Variants in MED12 observed in about 807,000 individuals in gnomAD.
MED12 encodes mediator of RNA polymerase II transcription subunit 12.
MED12 carries 10 observed loss-of-function variants against 177.7 expected under a neutral mutation model. The observed-to-expected ratio is 0.06, with a 90% CI of 0.03 to 0.10. The LOEUF is 0.10. Among genes scored for constraint, MED12 ranks in the 10% least tolerant of loss-of-function variants. The pLI, the probability that MED12 is intolerant of heterozygous loss-of-function variation, is 1.00. For missense variants in MED12, 867 were observed against 1,780.8 expected, an observed-to-expected ratio of 0.49 and a Z score of 9.23; for synonymous variants, 641 against 678.4, an observed-to-expected ratio of 0.94 and a Z score of 0.86.
chrX:71,141,433 G>A lies in MED12; in HGVS notation c.6408+63G>A. The A allele has an allele frequency of 4.4e-6, 5 of 1,148,524 alleles. No homozygotes were observed. The Admixed American group carries it at 1.3e-4, about 30-fold the overall frequency. 94.7% of individuals were successfully genotyped at this position (1,148,524 alleles called of 1,213,427 possible). ...TGCCCAGGTTGGGCACGCAGCCAGT[G>A]AACTGGGTTGGGGACAGTATGGAAT... On this transcript the variant is annotated intron_variant, in intron 43 of 44. Coordinates refer to ENST00000374080, the MANE Select transcript of MED12 (RefSeq NM_005120.3).
At position 71,124,670 on chromosome X, in the gene MED12, G is replaced by C. The variant is rs375136887; in HGVS notation, c.1975-94G>C. Reference sequence around the variant, plus strand: ...CCAGATCCTGTGCTTTCCCCAATCTGGTCTTCTCTCTCCACTTCCCCAATG... The same window carrying C: ...CCAGATCCTGTGCTTTCCCCAATCTCGTCTTCTCTCTCCACTTCCCCAATG... On this transcript the variant is annotated intron_variant, in intron 13 of 44. Transcript: ENST00000374080. 1.3e-5 allele frequency: 9 copies of C among 692,540 alleles called. No homozygotes were observed. In the African/African-American group the frequency reaches 1.9e-4, roughly 15 times the overall value. 57.1% of individuals were successfully genotyped at this position (692,540 alleles called of 1,213,427 possible).
intron 12 of MED12, 126 bp from the exon 13 acceptor site, chrX:71,124,033 T>G: frequency 1.6e-6 from 1 of 609,957 alleles, no homozygotes. Flanking sequence ...AACCACACTT[T>G]GTCCCTCAAC....
chrX:71,128,239 G>A lies in MED12; in HGVS notation c.3210-57G>A, dbSNP rs896586461. The A allele has an allele frequency of 3.2e-5, 38 of 1,205,923 alleles. No individual in the cohort carries two copies. The African/African-American group carries it at 6.1e-4, about 20-fold the overall frequency. On this transcript the variant is annotated intron_variant, in intron 22 of 44. Coordinates refer to ENST00000374080, the MANE Select transcript of MED12 (RefSeq NM_005120.3). ...AGTGGGGCAGAGATGAGAAGTTAAT[G>A]GGTCTGAGGTTTTGTGGAGCAAGGT...
chrX:71,126,838 G>A (rs2092304639), intron 19 of MED12, 131 bp from the exon 20 acceptor site: 1 of 632,939 alleles, frequency 1.6e-6, no homozygotes, highest in African/African-American at 2.1e-5. Flanking sequence ...AGGGTAACGA[G>A]CCCTTCTATC....
Position 71,142,441 on chromosome X carries a change from T to A in MED12, c.*223T>A. 1 of 428,942 alleles carries A rather than the reference T, an allele frequency of 2.3e-6. No individual in the cohort carries two copies. Among genetic ancestry groups the A allele is most frequent in the Non-Finnish European group, 4.1e-6 (1 of 246,500 alleles). 35.3% of individuals were successfully genotyped at this position (428,942 alleles called of 1,213,427 possible). A position where few individuals can be genotyped will look rare whatever the true frequency, so the allele number is the denominator to read the frequency against. ...GCTGTTGCACCCAATACACAGAGCT[T>A]CTTTGCAAAGGGAGTGTGCGAGTTC... On this transcript the variant is annotated 3_prime_UTR_variant, in exon 45 of 45. Coordinates refer to ENST00000374080, the MANE Select transcript of MED12 (RefSeq NM_005120.3).
chrX:71,134,173 G>A (rs914796239), intron 33 of MED12, among the ~76,000 whole-genome samples, 184 bp from the exon 34 acceptor site: 6 of 102,617 alleles, frequency 5.8e-5, no homozygotes, highest in Non-Finnish European at 1.2e-4. Flanking sequence ...GGAGTTTGCA[G>A]TAAGCCGAGG....
intron 28 of MED12, 27 bp from the exon 29 acceptor site, chrX:71,131,523 A>G: frequency 8.3e-7 from 1 of 1,203,523 alleles, no homozygotes; most frequent in Non-Finnish European, 1.1e-6. Context: ...GATGATGACT[A>G]GCCTGGGTGT....
intron 11 of MED12, among the ~76,000 whole-genome samples, 163 bp from the exon 12 acceptor site, chrX:71,123,431 C>T (rs190659432): frequency 9.0e-6 from 1 of 111,134 alleles, no homozygotes; most frequent in East Asian, 2.8e-4. Flanking sequence ...GAGATAACAT[C>T]AAGGCTTCAG....
intron 41 of MED12, among the ~76,000 whole-genome samples, chrX:71,139,904 A>G (rs1386042542): frequency 9.1e-6 from 1 of 109,595 alleles, no homozygotes; most frequent in African/African-American, 3.3e-5. Flanking sequence ...GTCTCAAAAA[A>G]AAAAGAAGAC....
chrX:71,140,776 GCAGCAGCAGCAGCAA>G lies in MED12; in HGVS notation c.6192_6206del (p.Gln2072_Gln2076del), dbSNP rs2092345183. ...AGCAGCAACAGCAGCAACAGCAACAGCAGCAGCAGCAGCAACAGCAACAGCAGCAGCAGCAGCAGC... is the reference window on the plus strand; with the variant it reads ...AGCAGCAACAGCAGCAACAGCAACAGCAGCAACAGCAGCAGCAGCAGCAGC... On this transcript the variant is annotated inframe_deletion, in exon 42 of 45. Transcript: ENST00000374080. 1 of 1,197,022 alleles carries G rather than the reference GCAGCAGCAGCAGCAA, an allele frequency of 8.4e-7. No homozygotes were observed. Among genetic ancestry groups the G allele is most frequent in the East Asian group, 3.0e-5 (1 of 33,659 alleles).
rs749990040 is a variant in MED12, at chrX:71,124,352, C to G, written c.1938C>G (p.His646Gln). Residue 646 changes from histidine (H) to glutamine (Q), a missense_variant, in exon 13 of 45, where the codon CAC becomes CAG. Around this residue, in one of 14 missense-constraint regions of MED12, gnomAD observed 309 missense variants for 556.3 expected, o/e 0.56. Transcript: ENST00000374080. ...ATGATCCTGCCGATGACCCAGAGCACAAGGAGGCTGAAGGCAGCAGCAGCA... is the reference window on the plus strand; with the variant it reads ...ATGATCCTGCCGATGACCCAGAGCAGAAGGAGGCTGAAGGCAGCAGCAGCA... ...PFDDPADDPE[H>Q]KEAEGSSSSK... 1.7e-6 allele frequency: 2 copies of G among 1,207,236 alleles called. No individual in the cohort carries two copies. Among genetic ancestry groups the G allele is most frequent in the South Asian group, 3.5e-5 (2 of 56,369 alleles).
intron 41 of MED12, 105 bp downstream of exon 41, chrX:71,138,048 G>C: frequency 1.3e-6 from 1 of 787,083 alleles, no homozygotes; most frequent in Non-Finnish European, 1.9e-6. Context: ...AGAACTTTCG[G>C]AGACATCAAG....
At chrX:71,132,355 G>A (rs373547413) in intron 30 of MED12, 22 bp from the exon 31 acceptor site, 158 of 1,208,023 alleles carry the variant, frequency 1.3e-4, no homozygotes, top group Non-Finnish European at 1.6e-4. Flanking sequence ...CTGTGACCCT[G>A]TGTCCTCTGT....
intron 38 of MED12, 48 bp from the exon 39 acceptor site, chrX:71,137,139 G>A: frequency 8.3e-7 from 1 of 1,199,639 alleles, no homozygotes; most frequent in African/African-American, 1.7e-5. Flanking sequence ...CACTGAGCAA[G>A]AGACAGAGGG....
chrX:71,139,866 TC>T (rs2147835653), intron 41 of MED12, among the ~76,000 whole-genome samples: 1 of 108,403 alleles, frequency 9.2e-6, no homozygotes, highest in Admixed American at 9.9e-5. Context: ...ATCATTGCAC[TC>T]CAGCCTGGGC....
chrX:71,123,980 A>G (rs1383433995), intron 12 of MED12, among the ~76,000 whole-genome samples, 179 bp from the exon 13 acceptor site: 1 of 112,454 alleles, frequency 8.9e-6, no homozygotes, highest in African/African-American at 3.2e-5. Flanking sequence ...AAGATGTTAC[A>G]TTCCTTTCTG....
At chrX:71,120,750 A>G (rs1046625719) in intron 4 of MED12, among the ~76,000 whole-genome samples, 45 of 110,067 alleles carry the variant, frequency 4.1e-4, no homozygotes, top group African/African-American at 1.4e-3. Flanking sequence ...AGCTGGGATT[A>G]CAGGCGCCCA....
intron 43 of MED12, 31 bp from the exon 44 acceptor site, chrX:71,141,852 C>T (rs371220311): frequency 2.4e-5 from 28 of 1,181,624 alleles, no homozygotes; most frequent in Non-Finnish European, 3.2e-5. Flanking sequence ...AAAAGTTCGA[C>T]TTCAGTCTTC....
chrX:71,127,198 G>GT, intron 20 of MED12, 66 bp downstream of exon 20: 1 of 1,155,688 alleles, frequency 8.7e-7, no homozygotes, highest in Non-Finnish European at 1.2e-6. Flanking sequence ...GGCCTGGGAA[G>GT]AGCATGCACT....
Sources: allele counts gnomAD v4.1 joint callset (sites outside exome capture counted in the v4.1 genomes callset), GRCh38; gene constraint gnomAD v4.1.1; regional missense constraint gnomAD v4.1.1; transcripts MANE v1.5; gene names NCBI Gene and HGNC (gene_info 2026-07-23, HGNC 2026-07-21).